CALB1: variants seen among roughly 807,000 people sequenced by gnomAD.
CALB1 encodes calbindin 1, also known as calbindin.
CALB1 carries 16 observed loss-of-function variants against 46.7 expected under a neutral mutation model. That is an observed-to-expected ratio of 0.34 (90% CI 0.23 to 0.52). The LOEUF (loss-of-function observed/expected upper bound fraction) is 0.52, where lower values mean the gene tolerates loss of function less well. CALB1 is among the 20% of genes least tolerant of loss of function. The pLI is 0.95. For synonymous variants in CALB1, 90 were observed against 112.8 expected, an observed-to-expected ratio of 0.80 and a Z score of 1.28; for missense variants, 224 against 300.3, an observed-to-expected ratio of 0.75 and a Z score of 1.88.
At chr8:90,068,411 T>C (rs1294034701) in intron 5 of CALB1, among the ~76,000 whole-genome samples, 2 of 152,250 alleles carry the variant, frequency 1.3e-5, no homozygotes, top group African/African-American at 4.8e-5. Context: ...TTTATCATCA[T>C]TGCTGAGAGT....
intron 6 of CALB1, 123 bp from the exon 7 acceptor site, chr8:90,063,584 A>C: frequency 2.7e-6 from 2 of 744,426 alleles, no homozygotes; most frequent in East Asian, 5.4e-5. Context: ...AAAATTTTAA[A>C]AACTAGCATT....
chr8:90,060,812 G>T, intron 9 of CALB1, 112 bp from the exon 10 acceptor site: 2 of 894,616 alleles, frequency 2.2e-6, no homozygotes, highest in Non-Finnish European at 1.8e-6. Context: ...TGCATACTTG[G>T]CAGATAATCT....
intron 3 of CALB1, among the ~76,000 whole-genome samples, chr8:90,070,500 T>G (rs1814492433): frequency 6.6e-6 from 1 of 152,174 alleles, no homozygotes; most frequent in Admixed American, 6.5e-5. Flanking sequence ...AAATGCACTA[T>G]TCTACTTTAT....
At chr8:90,081,407 G>A in intron 2 of CALB1, 2 of 866,934 alleles carry the variant, frequency 2.3e-6, no homozygotes, top group Non-Finnish European at 2.8e-6. Flanking sequence ...TGCAAGTTGG[G>A]CAACTTACCC....
chr8:90,065,231 C>CT (rs752925178), intron 6 of CALB1, among the ~76,000 whole-genome samples: 4,017 of 148,676 alleles, frequency 0.027, 62 homozygotes, highest in Middle Eastern at 0.059. Context: ...TTTATCTGCT[C>CT]TTTTTTTTTT....
intron 3 of CALB1, among the ~76,000 whole-genome samples, chr8:90,073,275 C>T (rs1814566224): frequency 6.6e-6 from 1 of 152,110 alleles, no homozygotes; most frequent in Admixed American, 6.6e-5. Flanking sequence ...CTACCCAGAA[C>T]TCCCTTCAAG....
intron 9 of CALB1, chr8:90,060,999 G>A: frequency 3.3e-6 from 1 of 301,256 alleles, no homozygotes. Context: ...GAAACTGAGG[G>A]CTGAGGAAGG....
intron 2 of CALB1, among the ~76,000 whole-genome samples, chr8:90,079,038 A>T (rs927727853): frequency 6.6e-6 from 1 of 152,046 alleles, no homozygotes; most frequent in African/African-American, 2.4e-5. Flanking sequence ...TAAACTAGTG[A>T]TCTGAACATA....
At position 90,063,085 on chromosome 8, in the gene CALB1, G is replaced by T; in HGVS notation, c.600+15C>A. 2 of 1,584,280 alleles carry T rather than the reference G, an allele frequency of 1.3e-6. No homozygotes were observed. Among genetic ancestry groups the T allele is most frequent in the Non-Finnish European group, 1.7e-6 (2 of 1,162,478 alleles). ...ACTTCAATAAAAAAGAAAGGAAAAA[G>T]TAACAAACTTTTACCTGATCATACA... On this transcript the variant is annotated intron_variant, in intron 9 of 10. Coordinates refer to ENST00000265431, the MANE Select transcript of CALB1 (RefSeq NM_004929.4).
At chr8:90,075,048 A>G (rs1814598298) in intron 3 of CALB1, among the ~76,000 whole-genome samples, 1 of 152,172 alleles carries the variant, frequency 6.6e-6, no homozygotes, top group Admixed American at 6.5e-5. Context: ...CAAAATTTCG[A>G]TGCTCCTGTC....
chr8:90,065,838 G>C (rs1814385738), intron 6 of CALB1, 60 bp downstream of exon 6: 2 of 1,072,000 alleles, frequency 1.9e-6, no homozygotes, highest in African/African-American at 1.6e-5. Context: ...TTGGGAGTTA[G>C]CAAGAACATC....
chr8:90,068,672 A>G (rs553561570), intron 5 of CALB1, among the ~76,000 whole-genome samples: 13 of 152,346 alleles, frequency 8.5e-5, no homozygotes, highest in South Asian at 2.1e-4. Context: ...TTATATATAT[A>G]TGTGTTTATT....
intron 1 of CALB1, 59 bp from the exon 2 acceptor site, chr8:90,082,161 T>G: frequency 6.9e-7 from 1 of 1,446,466 alleles, no homozygotes; most frequent in South Asian, 1.2e-5. Flanking sequence ...TCTTTCCCGT[T>G]CACTTTCCAA....
At chr8:90,061,827 A>G (rs951431205) in intron 9 of CALB1, 4 of 152,068 alleles carry the variant, frequency 2.6e-5, no homozygotes, top group Non-Finnish European at 5.9e-5. Context: ...CAAAATCCCA[A>G]TGGCAATATT....
At chr8:90,061,533 G>A (rs960732580) in intron 9 of CALB1, 1 of 152,074 alleles carries the variant, frequency 6.6e-6, no homozygotes, top group African/African-American at 2.4e-5. Flanking sequence ...CCATAAAGTT[G>A]TAGGATGCAA....
At position 90,069,253 on chromosome 8, in the gene CALB1, G is replaced by A; in HGVS notation, c.232-16C>T. 1.2e-6 allele frequency: 2 copies of A among 1,603,836 alleles called. No homozygotes were observed. The highest frequency in any genetic ancestry group is 1.7e-6 in the Non-Finnish European group (2 of 1,170,816). ...CGTGAGCCAACTGGAAAAGATTTAA[G>A]AAGAGAGAAACGTGTTGTAAGTTGC... On this transcript the variant is annotated splice_polypyrimidine_tract_variant and intron_variant, in intron 3 of 10. Transcript: ENST00000265431.
In CALB1 at chr8:90,059,088, GTTATT is replaced by G. The variant is rs1198633619; in HGVS notation, c.*1080_*1084del. The G allele has an allele frequency of 6.6e-6, 1 of 152,182 alleles. No individual in the cohort carries two copies. The highest frequency in any genetic ancestry group is 2.4e-5 in the African/African-American group (1 of 41,416). 9.4% of individuals were successfully genotyped at this position (152,182 alleles called of 1,614,324 possible). A position where few individuals can be genotyped will look rare whatever the true frequency, so the allele number is the denominator to read the frequency against. On this transcript the variant is annotated 3_prime_UTR_variant, in exon 11 of 11. Transcript: ENST00000265431. ...ATTACATTAGCATTTCTTTTCAGAT[GTTATT>G]TTTTTAAACTCATTTGAAACTATTT... is the stretch of plus-strand genomic sequence containing the variant.
chr8:90,071,117 C>A (rs1009319186), intron 3 of CALB1, among the ~76,000 whole-genome samples: 13 of 152,102 alleles, frequency 8.5e-5, no homozygotes, highest in African/African-American at 3.1e-4. Context: ...ATTAAGTCAA[C>A]AACATGCTTG....
At position 90,065,916 on chromosome 8, in the gene CALB1, G is replaced by T; in HGVS notation, c.432C>A (p.Ala144=). 1 of 1,609,614 alleles carries T rather than the reference G, an allele frequency of 6.2e-7. No individual in the cohort carries two copies. Among genetic ancestry groups the T allele is most frequent in the East Asian group, 2.2e-5 (1 of 44,800 alleles). ...GTCTTACCATTAGGTCTGTATACTC[G>T]GCTAATTTTGTGTCATCAACAGTCT... ...ANKTVDDTKL[A]EYTDLMLKLF... Residue 144 remains alanine, a synonymous_variant, in exon 6 of 11, where the codon GCC becomes GCA. Transcript: ENST00000265431.
Sources: allele counts gnomAD v4.1 joint callset (sites outside exome capture counted in the v4.1 genomes callset), GRCh38; gene constraint gnomAD v4.1.1; transcripts MANE v1.5; gene names NCBI Gene and HGNC (gene_info 2026-07-23, HGNC 2026-07-21).